The following ENPEP variants were observed in gnomAD, a reference collection of about 807,000 sequenced individuals.
The protein encoded by ENPEP is AP-A.
ENPEP carries 103 observed loss-of-function variants against 114.5 expected under a neutral mutation model. The ratio of observed to expected loss-of-function variants is 0.90; its 90% CI spans 0.77 to 1.06. ENPEP has a LOEUF of 1.06. ENPEP is among the 50% of genes least tolerant of loss of function. ENPEP has a pLI of 0.00. For missense variants in ENPEP, 1,196 were observed against 1,161.3 expected (o/e 1.03, Z -0.43); for synonymous variants, 420 against 422.0 (o/e 1.00, Z 0.06).
At chr4:110,543,189 T>G in intron 13 of ENPEP, 119 bp downstream of exon 13, 3 of 946,430 alleles carry the variant, frequency 3.2e-6, no homozygotes, top group Admixed American at 2.3e-5. Context: ...CCAAAGCCAC[T>G]ATTTAAAACA....
intron 3 of ENPEP, among the ~76,000 whole-genome samples, chr4:110,499,305 A>G (rs1015041564): frequency 2.0e-5 from 3 of 152,218 alleles, no homozygotes; most frequent in African/African-American, 7.2e-5. Flanking sequence ...ACCCTATGAC[A>G]TAAGTGCTGT....
In ENPEP at chr4:110,488,557, G is replaced by A. The variant is rs752954686; in HGVS notation, c.661G>A (p.Asp221Asn). The change falls in exon 2 of 20, where the codon GAT (aspartate) becomes AAT (asparagine). Residue 221 changes from aspartate (D) to asparagine (N), a missense_variant. By Grantham distance (23) the Asp-to-Asn change is conservative. Coordinates refer to ENST00000265162, the MANE Select transcript of ENPEP (RefSeq NM_001977.4). ...GTTTCTAAGGAGCATAGTGGCCACC[G>A]ATCATGAACCAACAGATGCCAGGAA... Reference protein sequence around the residue: ...NGQVKSIVATDHEPTDARKSF... With the variant: ...NGQVKSIVATNHEPTDARKSF... 274 of 1,612,252 alleles carry A rather than the reference G, an allele frequency of 1.7e-4. 3 individuals are homozygous for A. The East Asian group carries it at 5.8e-3, about 34-fold the overall frequency.
chr4:110,490,130 C>T (rs545215836), intron 2 of ENPEP, among the ~76,000 whole-genome samples: 3 of 152,142 alleles, frequency 2.0e-5, no homozygotes, highest in Non-Finnish European at 2.9e-5. Flanking sequence ...ATGGCCTTTT[C>T]ACTGTGCAGA....
chr4:110,484,062 T>C (rs1278596972), intron 1 of ENPEP, among the ~76,000 whole-genome samples: 1 of 152,196 alleles, frequency 6.6e-6, no homozygotes, highest in African/African-American at 2.4e-5. Context: ...TTCCAGTATA[T>C]ATTGCAGTCA....
At chr4:110,491,232 G>A in intron 3 of ENPEP, 68 bp downstream of exon 3, 8 of 1,220,020 alleles carry the variant, frequency 6.6e-6, no homozygotes, top group East Asian at 3.2e-5. Flanking sequence ...CCTTTTTTGG[G>A]TAGTTTTTTT....
In ENPEP at chr4:110,497,485, A is replaced by C. The variant is rs1275293319; in HGVS notation, c.918+6321A>C. On this transcript the variant is annotated intron_variant, in intron 3 of 19. Transcript: ENST00000265162. ...AATGTAAGATTTTATGGGGTAATTT[A>C]GATTTTTTAATGTTCATTTTTTAAT... 6.7e-4 allele frequency among the ~76,000 whole-genome samples: 101 copies of C among 151,836 alleles called. 1 individual carries two copies. The highest frequency in any genetic ancestry group is 6.6e-3 in the Admixed American group (101 of 15,268).
chr4:110,552,388 T>C (rs1260227312), intron 17 of ENPEP, among the ~76,000 whole-genome samples: 1 of 152,198 alleles, frequency 6.6e-6, no homozygotes, highest in Non-Finnish European at 1.5e-5. Context: ...CTTGATATAT[T>C]AATAAAAGCA....
intron 1 of ENPEP, among the ~76,000 whole-genome samples, chr4:110,487,772 T>A (rs1293407595): frequency 6.6e-6 from 1 of 152,220 alleles, no homozygotes; most frequent in East Asian, 1.9e-4. Flanking sequence ...TATGTTTACA[T>A]GTAAAAAGTG....
At chr4:110,494,272 T>G (rs924192239) in intron 3 of ENPEP, among the ~76,000 whole-genome samples, 1 of 152,236 alleles carries the variant, frequency 6.6e-6, no homozygotes, top group Admixed American at 6.5e-5. Context: ...ATTTTTATAT[T>G]TTATCACTAA....
At chr4:110,528,403 CT>C (rs557077509) in intron 10 of ENPEP, among the ~76,000 whole-genome samples, 60 of 152,240 alleles carry the variant, frequency 3.9e-4, no homozygotes, top group African/African-American at 1.4e-3. Context: ...AAGGAATTAG[CT>C]TTTTTTCCAA....
At chr4:110,486,267 GC>G (rs1724496733) in intron 1 of ENPEP, among the ~76,000 whole-genome samples, 1 of 152,092 alleles carries the variant, frequency 6.6e-6, no homozygotes, top group Non-Finnish European at 1.5e-5. Context: ...CCCATAATTT[GC>G]CAAAGGCAGT....
intron 11 of ENPEP, 145 bp downstream of exon 11, chr4:110,531,422 T>A (rs543017297): frequency 1.2e-5 from 7 of 582,824 alleles, no homozygotes; most frequent in Middle Eastern, 4.9e-4. Context: ...TGATTCCAAA[T>A]CTTCATCTAC....
intron 3 of ENPEP, among the ~76,000 whole-genome samples, chr4:110,496,550 G>A (rs1306053686): frequency 6.6e-6 from 1 of 152,118 alleles, no homozygotes; most frequent in Admixed American, 6.5e-5. Context: ...TCACTAATGT[G>A]CCTTTTCTAT....
Position 110,548,169 on chromosome 4 carries a change from T to TTTTTTTA in ENPEP, c.2001-6_2001-5insTTTTTAT. 8.0e-7 allele frequency: 1 copy of TTTTTTTA among 1,252,654 alleles called. No homozygotes were observed. The highest frequency in any genetic ancestry group is 1.8e-5 in the South Asian group (1 of 54,536). The allele number at this position is 1,252,654 out of a possible 1,614,324, so 77.6% of individuals were successfully genotyped here. ...TTTTTTTTTTTTTTTTTTTTTGTCT[T>TTTTTTTA]TCTCAGAGCTCAACTTCTAGATTAT... On this transcript the variant is annotated splice_region_variant and splice_polypyrimidine_tract_variant and intron_variant, in intron 13 of 19. Coordinates refer to ENST00000265162, the MANE Select transcript of ENPEP (RefSeq NM_001977.4).
At chr4:110,559,459 G>A (rs985803195) in intron 18 of ENPEP, among the ~76,000 whole-genome samples, 188 bp from the exon 19 acceptor site, 1 of 152,004 alleles carries the variant, frequency 6.6e-6, no homozygotes, top group Admixed American at 6.5e-5. Flanking sequence ...ACCAAAAGAA[G>A]TGCAGAGTGT....
rs71595561 is a variant in ENPEP at position 110,534,504 on chromosome 4, C to CTTTTTTTTTTTTTTTTTT, written c.1807+3230_1807+3247dup. Among the ~76,000 whole-genome samples the CTTTTTTTTTTTTTTTTTT allele has an allele frequency of 1.5e-4, 8 of 52,296 alleles. 3 individuals carry two copies. Among genetic ancestry groups the CTTTTTTTTTTTTTTTTTT allele is most frequent in the Admixed American group, 5.6e-4 (2 of 3,546 alleles). The allele number at this position is 52,296 out of a possible 152,430, so 34.3% of individuals were successfully genotyped here. A position where few individuals can be genotyped will look rare whatever the true frequency, so the allele number is the denominator to read the frequency against. The stretch of plus-strand genomic sequence containing the variant: ...CATATGTTCTCTCTTTTCGTTGTTT[C>CTTTTTTTTTTTTTTTTTT]TTTTTTTTTTTTTTTTTTTTGGGAC... On this transcript the variant is annotated intron_variant, in intron 11 of 19. Transcript: ENST00000265162.
At chr4:110,546,485 T>C (rs1727064248) in intron 13 of ENPEP, among the ~76,000 whole-genome samples, 1 of 151,132 alleles carries the variant, frequency 6.6e-6, no homozygotes, top group South Asian at 2.1e-4. Flanking sequence ...GGGGCAGGAG[T>C]CACTAGGTAA....
chr4:110,503,995 C>T (rs1304252975), intron 3 of ENPEP, among the ~76,000 whole-genome samples: 1 of 152,194 alleles, frequency 6.6e-6, no homozygotes, highest in African/African-American at 2.4e-5. Context: ...ACTGCCTGCT[C>T]CTCTCCAACT....
At chr4:110,537,449 G>A (rs1289113108) in intron 11 of ENPEP, among the ~76,000 whole-genome samples, 6 of 152,116 alleles carry the variant, frequency 3.9e-5, no homozygotes, top group African/African-American at 1.4e-4. Flanking sequence ...ACCTATTCAA[G>A]TTTTATCATG....
Sources: allele counts gnomAD v4.1 joint callset (sites outside exome capture counted in the v4.1 genomes callset), GRCh38; gene constraint gnomAD v4.1.1; transcripts MANE v1.5; gene names NCBI Gene and HGNC (gene_info 2026-07-23, HGNC 2026-07-21).